RPTOR: variants seen among roughly 807,000 people sequenced by gnomAD.
RPTOR encodes the protein regulatory-associated protein of mTOR.
A neutral mutation model predicts 169.9 loss-of-function variants in RPTOR; 21 were observed. The observed-to-expected ratio is 0.12, with a 90% CI of 0.09 to 0.18. The LOEUF is 0.18. Among genes scored for constraint, RPTOR ranks in the 10% least tolerant of loss-of-function variants. The pLI is 1.00. For missense variants in RPTOR, 1,133 were observed against 1,855.9 expected (o/e 0.61, Z 7.16); for synonymous variants, 732 against 753.2 (o/e 0.97, Z 0.46).
Position 80,940,607 on chromosome 17 carries a change from G to A in RPTOR, c.3025+6G>A. On this transcript the variant is annotated splice_donor_region_variant and intron_variant, in intron 25 of 33. Coordinates refer to ENST00000306801, the MANE Select transcript of RPTOR (RefSeq NM_020761.3). The stretch of plus-strand genomic sequence containing the variant: ...CCAGCAAGTCATTCAGAAGGGTAAG[G>A]GCACCCGCACAGCCAGCCAGGGGCT... The A allele has an allele frequency of 6.2e-7, 1 of 1,603,876 alleles. No homozygotes were observed. The highest frequency in any genetic ancestry group is 8.5e-7 in the Non-Finnish European group (1 of 1,175,252).
chr17:80,822,959 G>A, intron 8 of RPTOR, 120 bp from the exon 9 acceptor site: 4 of 1,038,638 alleles, frequency 3.9e-6, no homozygotes, highest in East Asian at 2.4e-5. Context: ...GTTGCTGATG[G>A]GAGATATGCA....
In RPTOR at chr17:80,789,570, G is replaced by A. The variant is rs185169152; in HGVS notation, c.831-1880G>A. 2.7e-3 allele frequency among the ~76,000 whole-genome samples: 413 copies of A among 152,282 alleles called. 2 individuals are homozygous for A. The highest frequency in any genetic ancestry group is 6.1e-3 in the Admixed American group (94 of 15,306). ...CCCTTCAGGAGCCAGCCTCCGACTC[G>A]GGGAAGGTTTACATGAGGGTTTTGG... is the stretch of plus-strand genomic sequence containing the variant. On this transcript the variant is annotated intron_variant, in intron 6 of 33. Coordinates refer to ENST00000306801, the MANE Select transcript of RPTOR (RefSeq NM_020761.3).
intron 3 of RPTOR, among the ~76,000 whole-genome samples, chr17:80,663,029 C>A (rs370744855): frequency 2.6e-5 from 4 of 152,136 alleles, no homozygotes; most frequent in African/African-American, 9.7e-5. Flanking sequence ...GCCCAGGTGG[C>A]CTCACTTATT....
At chr17:80,648,941 C>T (rs1431487193) in intron 3 of RPTOR, among the ~76,000 whole-genome samples, 1 of 152,220 alleles carries the variant, frequency 6.6e-6, no homozygotes, top group Non-Finnish European at 1.5e-5. Flanking sequence ...TAAGATGTGA[C>T]TTGCGCCTCC....
chr17:80,700,766 GTGATGGTAGAGATGATGA>G (rs1310002893), intron 3 of RPTOR, among the ~76,000 whole-genome samples: 21 of 143,018 alleles, frequency 1.5e-4, no homozygotes, highest in East Asian at 4.1e-4. Flanking sequence ...GATGGTGATG[GTGATGGTAGAGATGATGA>G]TGGTGGTGGT....
At chr17:80,650,043 G>A (rs960596466) in intron 3 of RPTOR, among the ~76,000 whole-genome samples, 9 of 152,208 alleles carry the variant, frequency 5.9e-5, no homozygotes, top group African/African-American at 1.9e-4. Flanking sequence ...CTATCCCTCC[G>A]AATACCTTAG....
intron 7 of RPTOR, 66 bp downstream of exon 7, chr17:80,791,575 C>T (rs1415689166): frequency 1.4e-6 from 2 of 1,405,466 alleles, no homozygotes; most frequent in Admixed American, 2.0e-5. Context: ...TTTTTGAAGG[C>T]TCTTGCTTCT....
chr17:80,711,723 A>G (rs961523778), intron 4 of RPTOR, among the ~76,000 whole-genome samples: 11 of 133,536 alleles, frequency 8.2e-5, no homozygotes, highest in Admixed American at 1.4e-4. Context: ...TTGGGAAGTT[A>G]ACATATAGTT....
chr17:80,756,921 G>T (rs2066686346), intron 6 of RPTOR, among the ~76,000 whole-genome samples: 1 of 152,156 alleles, frequency 6.6e-6, no homozygotes, highest in Non-Finnish European at 1.5e-5. Flanking sequence ...AGACAGACAA[G>T]AAAAAGTACT....
intron 7 of RPTOR, among the ~76,000 whole-genome samples, chr17:80,815,019 A>G (rs777310406): frequency 6.6e-6 from 1 of 152,258 alleles, no homozygotes. Context: ...GAGAATGACA[A>G]GTCTGACATG....
At chr17:80,932,623 A>G (rs553704018) in intron 24 of RPTOR, among the ~76,000 whole-genome samples, 2 of 152,300 alleles carry the variant, frequency 1.3e-5, no homozygotes, top group South Asian at 4.1e-4. Context: ...TAGCCAAGGA[A>G]AAAAATCAGT....
chr17:80,901,051 G>A (rs1368185697), intron 20 of RPTOR, among the ~76,000 whole-genome samples: 1 of 152,258 alleles, frequency 6.6e-6, no homozygotes. Flanking sequence ...GCTGTTTGCT[G>A]TGCGCGTGCC....
At position 80,936,800 on chromosome 17, in the gene RPTOR, G is replaced by C. The variant is rs2068959819; in HGVS notation, c.2920-3696G>C. On this transcript the variant is annotated intron_variant, in intron 24 of 33. Coordinates refer to ENST00000306801, the MANE Select transcript of RPTOR (RefSeq NM_020761.3). The surrounding 1 kb of genome is among the most constrained non-coding windows in gnomAD (Gnocchi z 4.1). ...CTTGTGCTGAAGTCACATGAAAGATGATGTAAATGCCTTGTTGAGGAGTGA... is the reference window on the plus strand; with the variant it reads ...CTTGTGCTGAAGTCACATGAAAGATCATGTAAATGCCTTGTTGAGGAGTGA... Among the ~76,000 whole-genome samples, 1 of 152,230 alleles carries C rather than the reference G, an allele frequency of 6.6e-6. No individual in the cohort carries two copies. The highest frequency in any genetic ancestry group is 1.5e-5 in the Non-Finnish European group (1 of 68,044).
At chr17:80,679,060 C>T (rs1017502894) in intron 3 of RPTOR, among the ~76,000 whole-genome samples, 4 of 152,238 alleles carry the variant, frequency 2.6e-5, no homozygotes, top group Non-Finnish European at 4.4e-5. Flanking sequence ...TTGATTACTC[C>T]TTATCCCCTT....
chr17:80,837,866 C>T, intron 9 of RPTOR, 56 bp from the exon 10 acceptor site: 2 of 1,522,286 alleles, frequency 1.3e-6, no homozygotes, highest in Non-Finnish European at 1.8e-6. Context: ...TGTGAAGTGG[C>T]CTCGTGTGGA....
At chr17:80,928,979 A>G (rs1180624139) in intron 24 of RPTOR, among the ~76,000 whole-genome samples, 1 of 152,208 alleles carries the variant, frequency 6.6e-6, no homozygotes, top group African/African-American at 2.4e-5. Context: ...AAAAGGGTAT[A>G]CCTGCAAAGC....
At chr17:80,930,413 C>A (rs1448040455) in intron 24 of RPTOR, among the ~76,000 whole-genome samples, 4 of 14,618 alleles carry the variant, frequency 2.7e-4, no homozygotes, top group East Asian at 2.0e-3. Flanking sequence ...TCATCCCCAG[C>A]TCATCCTCAG....
chr17:80,810,996 CTA>C (rs71910526), intron 7 of RPTOR, among the ~76,000 whole-genome samples: 18,117 of 152,154 alleles, frequency 0.12, 1,141 homozygotes, highest in South Asian at 0.15. Flanking sequence ...TTAAGATCCT[CTA>C]TGTGTGTAAT....
At chr17:80,653,128 G>A (rs2065653806) in intron 3 of RPTOR, among the ~76,000 whole-genome samples, 1 of 152,172 alleles carries the variant, frequency 6.6e-6, no homozygotes, top group African/African-American at 2.4e-5. Context: ...AGACTTTTAA[G>A]TTGAATAAGG....
Sources: allele counts gnomAD v4.1 joint callset (sites outside exome capture counted in the v4.1 genomes callset), GRCh38; gene constraint gnomAD v4.1.1; non-coding constraint Gnocchi (gnomAD v3.1); transcripts MANE v1.5; gene names NCBI Gene and HGNC (gene_info 2026-07-23, HGNC 2026-07-21).